LDLRAD3: variants seen among roughly 807,000 people sequenced by gnomAD.
The protein encoded by LDLRAD3 is low density lipoprotein receptor class A domain containing 3.
In LDLRAD3, 20 loss-of-function variants were observed where a neutral mutation model predicts 29.4. The ratio of observed to expected loss-of-function variants is 0.68; its 90% CI spans 0.48 to 0.99. The LOEUF is 0.99. LDLRAD3 is among the 50% of genes least tolerant of loss of function. The pLI, the probability that LDLRAD3 is intolerant of heterozygous loss-of-function variation, is 0.00. For synonymous variants in LDLRAD3, 157 were observed against 192.7 expected (o/e 0.81, Z 1.53); for missense variants, 420 against 454.3 (o/e 0.92, Z 0.69).
intron 4 of LDLRAD3, among the ~76,000 whole-genome samples, chr11:36,147,263 A>G (rs1354584353): frequency 1.3e-5 from 2 of 151,012 alleles, no homozygotes; most frequent in Admixed American, 6.6e-5. Flanking sequence ...GACTACAGGC[A>G]CCCACCACCA....
Position 36,229,622 on chromosome 11 carries a change from T to G in LDLRAD3, c.*225T>G. Reference sequence around the variant, plus strand: ...GTGCGTCTTTTCTGTCAGGTCACTCTTCCCTTGGGACCCGAGATCACACCC... The same window carrying G: ...GTGCGTCTTTTCTGTCAGGTCACTCGTCCCTTGGGACCCGAGATCACACCC... On this transcript the variant is annotated 3_prime_UTR_variant, in exon 6 of 6. Coordinates refer to ENST00000315571, the MANE Select transcript of LDLRAD3 (RefSeq NM_174902.4). 1 of 508,532 alleles carries G rather than the reference T, an allele frequency of 2.0e-6. No homozygotes were observed. Among genetic ancestry groups the G allele is most frequent in the Non-Finnish European group, 3.5e-6 (1 of 286,504 alleles). The allele number at this position is 508,532 out of a possible 1,614,324, so 31.5% of individuals were successfully genotyped here. A position where few individuals can be genotyped will look rare whatever the true frequency, so the allele number is the denominator to read the frequency against.
chr11:36,040,542 G>A (rs1354245244), intron 2 of LDLRAD3, among the ~76,000 whole-genome samples: 1 of 152,014 alleles, frequency 6.6e-6, no homozygotes, highest in Non-Finnish European at 1.5e-5. Context: ...CATTTTTAGT[G>A]CCATTAACTT....
intron 4 of LDLRAD3, among the ~76,000 whole-genome samples, chr11:36,130,587 C>T (rs1034691170): frequency 6.6e-6 from 1 of 152,126 alleles, no homozygotes; most frequent in Admixed American, 6.5e-5. Flanking sequence ...ACCACTTCTG[C>T]TAAGATAGTG....
At chr11:36,119,507 G>GT (rs34921040) in intron 4 of LDLRAD3, among the ~76,000 whole-genome samples, 52,062 of 147,444 alleles carry the variant, frequency 0.35, 10,383 homozygotes, top group Admixed American at 0.45. Flanking sequence ...TCTCTGTGTT[G>GT]TTTTTTTTTT....
chr11:36,229,611 TCAGGTCAC>T lies in LDLRAD3; in HGVS notation c.*215_*222del. On this transcript the variant is annotated 3_prime_UTR_variant, in exon 6 of 6. Coordinates refer to ENST00000315571, the MANE Select transcript of LDLRAD3 (RefSeq NM_174902.4). ...CATGATCTGTTGTGCGTCTTTTCTGTCAGGTCACTCTTCCCTTGGGACCCGAGATCACA... is the reference window on the plus strand; with the variant it reads ...CATGATCTGTTGTGCGTCTTTTCTGTTCTTCCCTTGGGACCCGAGATCACA... The T allele has an allele frequency of 2.7e-5, 14 of 524,606 alleles. No homozygotes were observed. Among genetic ancestry groups the T allele is most frequent in the South Asian group, 1.3e-4 (4 of 29,846 alleles). 32.5% of individuals were successfully genotyped at this position (524,606 alleles called of 1,614,324 possible).
chr11:36,117,582 A>T (rs1174296655), intron 4 of LDLRAD3, among the ~76,000 whole-genome samples: 1 of 152,230 alleles, frequency 6.6e-6, no homozygotes, highest in Non-Finnish European at 1.5e-5. Flanking sequence ...GACAAACCTA[A>T]AACATCGGAA....
intron 4 of LDLRAD3, among the ~76,000 whole-genome samples, chr11:36,101,444 T>C (rs935682498): frequency 3.3e-5 from 5 of 152,198 alleles, no homozygotes; most frequent in Admixed American, 6.5e-5. Context: ...TTGCACCGTA[T>C]AGGTTTTTAA....
intron 1 of LDLRAD3, among the ~76,000 whole-genome samples, chr11:35,998,520 A>G (rs533292620): frequency 1.1e-4 from 16 of 152,308 alleles, no homozygotes; most frequent in African/African-American, 3.6e-4. Flanking sequence ...TGATCTAAAC[A>G]AACAAACAAA....
chr11:36,177,697 G>C (rs577714080), intron 4 of LDLRAD3, among the ~76,000 whole-genome samples: 2 of 152,192 alleles, frequency 1.3e-5, no homozygotes, highest in African/African-American at 4.8e-5. Flanking sequence ...TCTCTCAGCC[G>C]TGGATACCAG....
chr11:35,947,499 TAA>T (rs1233988292), intron 1 of LDLRAD3, among the ~76,000 whole-genome samples: 46 of 136,026 alleles, frequency 3.4e-4, no homozygotes, highest in Admixed American at 3.0e-4. Flanking sequence ...CTGCCTCAAT[TAA>T]AAAAAAAAAA....
At chr11:36,058,081 T>C (rs1428459242) in intron 2 of LDLRAD3, among the ~76,000 whole-genome samples, 1 of 152,182 alleles carries the variant, frequency 6.6e-6, no homozygotes, top group East Asian at 1.9e-4. Context: ...GTAGGAATAA[T>C]AACAACAACC....
chr11:36,170,436 T>G (rs996125470), intron 4 of LDLRAD3, among the ~76,000 whole-genome samples: 3 of 152,034 alleles, frequency 2.0e-5, no homozygotes, highest in African/African-American at 7.2e-5. Context: ...TCCATATTTT[T>G]TCAATTGCAA....
chr11:36,163,604 T>C (rs1854474319), intron 4 of LDLRAD3: 1 of 151,934 alleles, frequency 6.6e-6, no homozygotes, highest in Admixed American at 6.6e-5. Context: ...GGAAATGCAC[T>C]GCCTTTCCCA....
chr11:36,058,071 G>A lies in LDLRAD3; in HGVS notation c.193+21822G>A, dbSNP rs113689489. 1.1e-4 allele frequency among the ~76,000 whole-genome samples: 17 copies of A among 152,330 alleles called. 2 individuals are homozygous for A. Among genetic ancestry groups the A allele is most frequent in the African/African-American group, 4.1e-4 (17 of 41,578 alleles). On this transcript the variant is annotated intron_variant, in intron 2 of 5. Coordinates refer to ENST00000315571, the MANE Select transcript of LDLRAD3 (RefSeq NM_174902.4). ...TTCCTTTAATCATTAGTAATAAGTA[G>A]TAGGAATAATAACAACAACCCTCCA... is the stretch of plus-strand genomic sequence containing the variant.
At chr11:36,221,075 C>T (rs1304983099) in intron 4 of LDLRAD3, among the ~76,000 whole-genome samples, 3 of 151,228 alleles carry the variant, frequency 2.0e-5, no homozygotes, top group Non-Finnish European at 4.4e-5. Context: ...GGGCCAGGCA[C>T]GGTGGCTCAC....
At chr11:36,127,692 A>C (rs74490199) in intron 4 of LDLRAD3, among the ~76,000 whole-genome samples, 3,381 of 152,206 alleles carry the variant, frequency 0.022, 119 homozygotes, top group African/African-American at 0.077. Context: ...CCACCATGCT[A>C]AGTTTTTTAT....
intron 4 of LDLRAD3, among the ~76,000 whole-genome samples, chr11:36,145,545 C>A (rs1310939308): frequency 6.8e-6 from 1 of 146,888 alleles, no homozygotes; most frequent in Non-Finnish European, 1.5e-5. Context: ...ATGACAATGG[C>A]GGTTTTGTGG....
rs1205676704 is a variant in LDLRAD3, at chr11:36,230,699, G to A, written c.*1302G>A. 1 of 152,480 alleles carries A rather than the reference G, an allele frequency of 6.6e-6. No individual in the cohort carries two copies. Among genetic ancestry groups the A allele is most frequent in the African/African-American group, 2.4e-5 (1 of 41,390 alleles). 9.4% of individuals were successfully genotyped at this position (152,480 alleles called of 1,614,324 possible). ...GTTTGTTTTTTCCCTTCTAGTTAAG[G>A]GACTATTTATATGTGTATAGGAAAG... On this transcript the variant is annotated 3_prime_UTR_variant, in exon 6 of 6. Coordinates refer to ENST00000315571, the MANE Select transcript of LDLRAD3 (RefSeq NM_174902.4).
At chr11:35,952,220 G>A (rs976874797) in intron 1 of LDLRAD3, among the ~76,000 whole-genome samples, 6 of 152,200 alleles carry the variant, frequency 3.9e-5, no homozygotes, top group African/African-American at 9.7e-5. Flanking sequence ...GTGGGTCTGC[G>A]TGACTTAGAC....
Sources: allele counts gnomAD v4.1 joint callset (sites outside exome capture counted in the v4.1 genomes callset), GRCh38; gene constraint gnomAD v4.1.1; transcripts MANE v1.5; gene names NCBI Gene and HGNC (gene_info 2026-07-23, HGNC 2026-07-21).